Variants in NKAIN3 observed in about 807,000 individuals in gnomAD.
NKAIN3 encodes sodium/potassium-transporting ATPase subunit beta-1-interacting protein 3.
NKAIN3 carries 25 observed loss-of-function variants against 30.2 expected under a neutral mutation model. The observed-to-expected ratio is 0.83, with a 90% confidence interval of 0.60 to 1.16. NKAIN3 has a LOEUF of 1.16. NKAIN3 is among the 50% of genes most tolerant of loss of function. The pLI is 0.00. For synonymous variants in NKAIN3, 91 were observed against 89.6 expected, an observed-to-expected ratio of 1.02 and a Z score of -0.09; for missense variants, 225 against 254.1, an observed-to-expected ratio of 0.89 and a Z score of 0.78.
chr8:62,850,356 C>T (rs896248714), intron 4 of NKAIN3, among the ~76,000 whole-genome samples: 3 of 151,996 alleles, frequency 2.0e-5, no homozygotes, highest in South Asian at 2.1e-4. Context: ...TGCATATTAG[C>T]CCTTTGTCAG....
intron 1 of NKAIN3, among the ~76,000 whole-genome samples, chr8:62,386,604 C>G (rs1320854798): frequency 6.6e-6 from 1 of 152,158 alleles, no homozygotes; most frequent in African/African-American, 2.4e-5. Flanking sequence ...TTTAATATGA[C>G]AAATCTTGCT....
At chr8:62,740,564 A>G (rs928113163) in intron 3 of NKAIN3, among the ~76,000 whole-genome samples, 1 of 152,174 alleles carries the variant, frequency 6.6e-6, no homozygotes, top group African/African-American at 2.4e-5. Flanking sequence ...TTATTAAAAG[A>G]GCAAAGAATA....
chr8:62,367,757 G>A (rs4738962), intron 1 of NKAIN3, among the ~76,000 whole-genome samples: 147,537 of 152,204 alleles, frequency 0.97, 71,564 homozygotes, highest in East Asian at 1. Flanking sequence ...AGGCAAGAGA[G>A]AGAAATAAAA....
At chr8:62,536,765 T>C in intron 1 of NKAIN3, among the ~76,000 whole-genome samples, 1 of 152,338 alleles carries the variant, frequency 6.6e-6, no homozygotes, top group South Asian at 2.1e-4. Context: ...CCATATTCTC[T>C]TAAATTATAT....
chr8:62,432,578 C>A (rs1805045593), intron 1 of NKAIN3, among the ~76,000 whole-genome samples: 1 of 152,008 alleles, frequency 6.6e-6, no homozygotes, highest in African/African-American at 2.4e-5. Flanking sequence ...CACATTATTT[C>A]ATGTTGTCTT....
At chr8:62,468,703 A>G (rs979064666) in intron 1 of NKAIN3, among the ~76,000 whole-genome samples, 5 of 152,208 alleles carry the variant, frequency 3.3e-5, no homozygotes, top group African/African-American at 1.2e-4. Context: ...TAATTTTAAT[A>G]AATGCATTAT....
At chr8:62,385,232 A>G (rs1817389713) in intron 1 of NKAIN3, among the ~76,000 whole-genome samples, 1 of 152,116 alleles carries the variant, frequency 6.6e-6, no homozygotes, top group South Asian at 2.1e-4. Context: ...CCCTTTATTG[A>G]GTACTTACTT....
At chr8:62,254,626 T>C (rs1016962483) in intron 1 of NKAIN3, among the ~76,000 whole-genome samples, 1 of 92,676 alleles carries the variant, frequency 1.1e-5, no homozygotes, top group African/African-American at 3.7e-5. Context: ...TTATATCTTT[T>C]GATTTTTTTT....
intron 3 of NKAIN3, among the ~76,000 whole-genome samples, chr8:62,635,733 C>A (rs1268474634): frequency 2.0e-5 from 3 of 152,132 alleles, no homozygotes; most frequent in Admixed American, 2.0e-4. Context: ...TCTGCATGAA[C>A]CTTCATCTTG....
chr8:62,456,597 G>T (rs890644937), intron 1 of NKAIN3, among the ~76,000 whole-genome samples: 1 of 151,974 alleles, frequency 6.6e-6, no homozygotes, highest in African/African-American at 2.4e-5. Context: ...ATCTGAAGTC[G>T]GCATTCAGTC....
intron 4 of NKAIN3, among the ~76,000 whole-genome samples, chr8:62,831,670 T>C (rs1440314502): frequency 1.3e-5 from 2 of 152,042 alleles, no homozygotes; most frequent in African/African-American, 4.8e-5. Flanking sequence ...CCCAGTTAGC[T>C]AAAAATAAAG....
intron 1 of NKAIN3, among the ~76,000 whole-genome samples, chr8:62,562,819 T>C (rs752523439): frequency 3.3e-5 from 5 of 152,208 alleles, no homozygotes; most frequent in Non-Finnish European, 7.3e-5. Context: ...TAGTTCTTGC[T>C]GAAAATGTGT....
At chr8:62,890,878 T>G (rs1475161423) in intron 4 of NKAIN3, among the ~76,000 whole-genome samples, 1 of 152,222 alleles carries the variant, frequency 6.6e-6, no homozygotes, top group Non-Finnish European at 1.5e-5. Context: ...TTTCCAAAAT[T>G]TTATCCCTTT....
At chr8:62,604,749 A>T (rs1276039010) in intron 3 of NKAIN3, among the ~76,000 whole-genome samples, 1 of 152,172 alleles carries the variant, frequency 6.6e-6, no homozygotes, top group East Asian at 1.9e-4. Context: ...ACTTCAAAGA[A>T]AAAGAAAGAA....
intron 1 of NKAIN3, among the ~76,000 whole-genome samples, chr8:62,529,206 G>A (rs187633239): frequency 2.8e-4 from 42 of 152,264 alleles, no homozygotes; most frequent in African/African-American, 8.7e-4. Flanking sequence ...GATGCAAGGC[G>A]TAGTGGCATT....
At chr8:62,856,518 A>G (rs2130781957) in intron 4 of NKAIN3, 7 of 782,472 alleles carry the variant, frequency 8.9e-6, no homozygotes, top group Middle Eastern at 3.6e-4. Context: ...TATCTCAGAG[A>G]TCACCAGCTT....
chr8:62,447,582 T>C (rs1316835058), intron 1 of NKAIN3, among the ~76,000 whole-genome samples: 1 of 152,042 alleles, frequency 6.6e-6, no homozygotes, highest in Non-Finnish European at 1.5e-5. Flanking sequence ...ATGAATTTTG[T>C]ACTTTGGGTT....
At chr8:62,994,437 T>C (rs932313500) in intron 5 of NKAIN3, among the ~76,000 whole-genome samples, 1 of 152,152 alleles carries the variant, frequency 6.6e-6, no homozygotes, top group Admixed American at 6.5e-5. Context: ...TCAGGAATGA[T>C]GTAAAAGAAA....
At chr8:62,805,438 T>TGGTACC (rs1265035316) in intron 4 of NKAIN3, among the ~76,000 whole-genome samples, 1 of 152,118 alleles carries the variant, frequency 6.6e-6, no homozygotes, top group Non-Finnish European at 1.5e-5. Flanking sequence ...AGCATGGTAC[T>TGGTACC]GGTACCAAAA....
Sources: allele counts gnomAD v4.1 joint callset (sites outside exome capture counted in the v4.1 genomes callset), GRCh38; gene constraint gnomAD v4.1.1; transcripts MANE v1.5; gene names NCBI Gene and HGNC (gene_info 2026-07-23, HGNC 2026-07-21).